Variants in NRG1 observed in about 807,000 individuals in gnomAD.
NRG1 encodes the protein pro-neuregulin-1, membrane-bound isoform.
NRG1 carries 18 observed loss-of-function variants against 63.8 expected under a neutral mutation model. The observed-to-expected ratio is 0.28, with a 90% CI of 0.19 to 0.42. The LOEUF (loss-of-function observed/expected upper bound fraction) is 0.42. NRG1 is among the 10% of genes least tolerant of loss of function. The probability of loss-of-function intolerance (pLI) is 1.00; values close to 1 mark genes in which losing one functional copy is unlikely to be tolerated. For missense variants in NRG1, 762 were observed against 814.7 expected (o/e 0.94, Z 0.79); for synonymous variants, 302 against 301.3 (o/e 1.00, Z -0.02).
intron 1 of NRG1, among the ~76,000 whole-genome samples, chr8:31,810,003 C>G (rs1016747961): frequency 1.3e-5 from 2 of 151,938 alleles, no homozygotes; most frequent in Non-Finnish European, 2.9e-5. Context: ...TGGGTCTGCT[C>G]CTTCCCTAGT....
intron 1 of NRG1, among the ~76,000 whole-genome samples, chr8:32,303,849 A>G (rs1423512206): frequency 6.6e-6 from 1 of 152,248 alleles, no homozygotes; most frequent in Non-Finnish European, 1.5e-5. Flanking sequence ...ATTTAAAGAT[A>G]CGAAATTTAC....
At chr8:32,419,582 A>T (rs1209967488) in intron 1 of NRG1, among the ~76,000 whole-genome samples, 2 of 152,198 alleles carry the variant, frequency 1.3e-5, no homozygotes, top group African/African-American at 4.8e-5. Flanking sequence ...GAAAAAGAGG[A>T]CTGGGAGAGT....
chr8:32,377,670 G>T (rs963166290), intron 1 of NRG1, among the ~76,000 whole-genome samples: 1 of 152,172 alleles, frequency 6.6e-6, no homozygotes, highest in Non-Finnish European at 1.5e-5. Context: ...GCTTTCCAGA[G>T]TGAATTAGTT....
At chr8:32,217,418 A>G (rs1342014111) in intron 1 of NRG1, among the ~76,000 whole-genome samples, 1 of 152,010 alleles carries the variant, frequency 6.6e-6, no homozygotes, top group Non-Finnish European at 1.5e-5. Flanking sequence ...TAGTCAGTCA[A>G]CAGAACACCA....
intron 1 of NRG1, among the ~76,000 whole-genome samples, chr8:32,359,605 A>G (rs1488528870): frequency 6.6e-6 from 1 of 152,178 alleles, no homozygotes; most frequent in Admixed American, 6.5e-5. Flanking sequence ...AGGATAAGAT[A>G]ATTAAACTAC....
intron 1 of NRG1, among the ~76,000 whole-genome samples, chr8:32,094,005 G>C (rs1829553754): frequency 6.6e-6 from 1 of 152,154 alleles, no homozygotes. Context: ...GGTTCCTGAG[G>C]ATGTCTGCAG....
At chr8:32,557,707 G>C (rs1018565043) in intron 1 of NRG1, among the ~76,000 whole-genome samples, 1 of 151,958 alleles carries the variant, frequency 6.6e-6, no homozygotes, top group Non-Finnish European at 1.5e-5. Context: ...CTTCCCGGGG[G>C]ATTGCTCATG....
intron 5 of NRG1, among the ~76,000 whole-genome samples, chr8:32,645,545 C>T (rs938248766): frequency 3.9e-5 from 6 of 152,108 alleles, no homozygotes; most frequent in Non-Finnish European, 5.9e-5. Flanking sequence ...TATCTCCTGC[C>T]GTTTAAAGCT....
At chr8:31,779,544 T>C (rs1819479507) in intron 1 of NRG1, among the ~76,000 whole-genome samples, 1 of 152,192 alleles carries the variant, frequency 6.6e-6, no homozygotes, top group African/African-American at 2.4e-5. Context: ...AAATTTCCAC[T>C]GTAATAGAAA....
At chr8:32,568,366 G>C (rs1317652632) in intron 1 of NRG1, among the ~76,000 whole-genome samples, 1 of 152,114 alleles carries the variant, frequency 6.6e-6, no homozygotes, top group African/African-American at 2.4e-5. Flanking sequence ...GTTTGCTTTG[G>C]TTTTTCCACT....
At chr8:31,929,587 G>T (rs1424841143) in intron 1 of NRG1, among the ~76,000 whole-genome samples, 1 of 151,940 alleles carries the variant, frequency 6.6e-6, no homozygotes, top group Admixed American at 6.6e-5. Context: ...CCTTAAGATG[G>T]ATATTTATTT....
Position 32,389,207 on chromosome 8 carries a change from A to G in NRG1, c.38-206621A>G, listed in dbSNP as rs1811408165. On this transcript the variant is annotated intron_variant, in intron 1 of 10. Coordinates refer to the NRG1 transcript ENST00000519301. ...AGCTGCGAAGAAACGTAAACCAAATACCATTTCAGTAACTGTTAAGGGACA... is the reference window on the plus strand; with the variant it reads ...AGCTGCGAAGAAACGTAAACCAAATGCCATTTCAGTAACTGTTAAGGGACA... Among the ~76,000 whole-genome samples, 3 of 152,138 alleles carry G rather than the reference A, an allele frequency of 2.0e-5. No homozygotes were observed. The South Asian group carries it at 6.2e-4, about 32-fold the overall frequency.
chr8:31,823,176 C>T (rs1458747331), intron 1 of NRG1, among the ~76,000 whole-genome samples: 2 of 140,832 alleles, frequency 1.4e-5, no homozygotes, highest in Non-Finnish European at 3.0e-5. Context: ...ATGGCTTCCT[C>T]CAAAACAATG....
At chr8:31,776,988 G>A (rs1466457159) in intron 1 of NRG1, among the ~76,000 whole-genome samples, 1 of 152,132 alleles carries the variant, frequency 6.6e-6, no homozygotes, top group East Asian at 1.9e-4. Context: ...AGTCGGTGTG[G>A]CAATTCCTCA....
chr8:31,915,839 T>G (rs2129617893), intron 1 of NRG1, among the ~76,000 whole-genome samples: 1 of 152,210 alleles, frequency 6.6e-6, no homozygotes, highest in South Asian at 2.1e-4. Flanking sequence ...ACAATATTTT[T>G]TGTATGGTGG....
At chr8:31,752,094 T>C (rs1487969113) in intron 1 of NRG1, among the ~76,000 whole-genome samples, 1 of 151,972 alleles carries the variant, frequency 6.6e-6, no homozygotes, top group Non-Finnish European at 1.5e-5. Flanking sequence ...GGTGGAGAAC[T>C]ACAACAGTTA....
chr8:32,301,722 A>C (rs1311648682), intron 1 of NRG1, among the ~76,000 whole-genome samples: 1 of 152,190 alleles, frequency 6.6e-6, no homozygotes, highest in African/African-American at 2.4e-5. Flanking sequence ...TTTGAAAACC[A>C]TCAGATCTCG....
At chr8:32,337,682 A>AAAAAAAT (rs1554511693) in intron 1 of NRG1, among the ~76,000 whole-genome samples, 3 of 116,628 alleles carry the variant, frequency 2.6e-5, no homozygotes, top group Non-Finnish European at 3.8e-5. Context: ...AAAAAAAAAA[A>AAAAAAAT]GCTGATGCAG....
intron 1 of NRG1, among the ~76,000 whole-genome samples, chr8:32,191,595 C>G (rs1474167118): frequency 6.6e-6 from 1 of 152,160 alleles, no homozygotes; most frequent in East Asian, 1.9e-4. Context: ...AGAATACAGG[C>G]TTCAGTTATG....
Sources: allele counts gnomAD v4.1 joint callset (sites outside exome capture counted in the v4.1 genomes callset), GRCh38; gene constraint gnomAD v4.1.1; transcripts MANE v1.5; gene names NCBI Gene and HGNC (gene_info 2026-07-23, HGNC 2026-07-21).